SFMBT2: variants seen among roughly 807,000 people sequenced by gnomAD.
The protein encoded by SFMBT2 is scm-like with four MBT domains protein 2.
In SFMBT2, 38 loss-of-function variants were observed where a neutral mutation model predicts 110.1. The observed-to-expected ratio is 0.35, with a 90% CI of 0.27 to 0.45. SFMBT2 has a LOEUF of 0.45. Among genes scored for constraint, SFMBT2 ranks in the 20% least tolerant of loss-of-function variants. The pLI, the probability that SFMBT2 is intolerant of heterozygous loss-of-function variation, is 1.00. For synonymous variants in SFMBT2, 425 were observed against 425.4 expected, an observed-to-expected ratio of 1.00 and a Z score of 0.01; for missense variants, 1,011 against 1,094.9, an observed-to-expected ratio of 0.92 and a Z score of 1.08.
intron 15 of SFMBT2, among the ~76,000 whole-genome samples, chr10:7,193,848 T>A (rs1340184454): frequency 6.6e-6 from 1 of 152,238 alleles, no homozygotes; most frequent in Non-Finnish European, 1.5e-5. Context: ...AAGACCCTTT[T>A]GGTCATAGGA....
At chr10:7,258,114 G>A (rs972003587) in intron 7 of SFMBT2, among the ~76,000 whole-genome samples, 2 of 152,094 alleles carry the variant, frequency 1.3e-5, no homozygotes, top group African/African-American at 4.8e-5. Flanking sequence ...TGTATTTTTT[G>A]TAGAGATGGG....
chr10:7,385,678 C>G (rs1845573513), intron 1 of SFMBT2, among the ~76,000 whole-genome samples: 1 of 152,166 alleles, frequency 6.6e-6, no homozygotes, highest in African/African-American at 2.4e-5. Flanking sequence ...CTCAAACGAG[C>G]TAAGGCAGGG....
At position 7,293,108 on chromosome 10, in the gene SFMBT2, G is replaced by A. The variant is rs1842308578; in HGVS notation, c.437-7154C>T. ...GTCTCACTCTGTCTGGAATGCAGTG[G>A]CGCGATCTCGACTCACTGCAACCTC... On this transcript the variant is annotated intron_variant, in intron 4 of 20. Coordinates refer to ENST00000397167, the MANE Select transcript of SFMBT2 (RefSeq NM_001387889.1). This position sits in a 1 kb window ranked among gnomAD's most constrained non-coding sequence, Gnocchi z 4.6. Among the ~76,000 whole-genome samples, 1 of 152,152 alleles carries A rather than the reference G, an allele frequency of 6.6e-6. No individual in the cohort carries two copies. Among genetic ancestry groups the A allele is most frequent in the African/African-American group, 2.4e-5 (1 of 41,426 alleles).
At chr10:7,192,850 G>A (rs1231250457) in intron 15 of SFMBT2, among the ~76,000 whole-genome samples, 3 of 152,140 alleles carry the variant, frequency 2.0e-5, no homozygotes, top group South Asian at 2.1e-4. Context: ...TGGTTCAGGG[G>A]TGCCGCACTA....
At chr10:7,251,945 G>A (rs1022006681) in intron 7 of SFMBT2, among the ~76,000 whole-genome samples, 3 of 152,178 alleles carry the variant, frequency 2.0e-5, no homozygotes, top group Non-Finnish European at 4.4e-5. Context: ...CATCCTGACA[G>A]CCACGGGGCT....
rs12777944 is a variant in SFMBT2, at chr10:7,384,760, C to T, written c.-51-2811G>A. Among the ~76,000 whole-genome samples the T allele has an allele frequency of 5.6e-3, 852 of 152,250 alleles. 11 individuals carry two copies. Among genetic ancestry groups the T allele is most frequent in the African/African-American group, 0.019 (779 of 41,544 alleles). On this transcript the variant is annotated intron_variant, in intron 1 of 20. Transcript: ENST00000397167. The stretch of plus-strand genomic sequence containing the variant: ...GTATCAGTTTGCTAAAAGAACCCTC[C>T]GAATGATGGACAGAGCTGCATTCTT...
At chr10:7,347,894 C>T (rs1355835920) in intron 4 of SFMBT2, among the ~76,000 whole-genome samples, 1 of 152,190 alleles carries the variant, frequency 6.6e-6, no homozygotes, top group Non-Finnish European at 1.5e-5. Flanking sequence ...TAAATACATA[C>T]ACTTAACTGA....
At chr10:7,259,394 C>A (rs577721857) in intron 7 of SFMBT2, among the ~76,000 whole-genome samples, 11 of 152,360 alleles carry the variant, frequency 7.2e-5, no homozygotes, top group African/African-American at 2.6e-4. Flanking sequence ...CGGCTCCCTC[C>A]ATCAACCACT....
chr10:7,329,982 C>T (rs1340804438), intron 4 of SFMBT2, among the ~76,000 whole-genome samples: 9 of 152,156 alleles, frequency 5.9e-5, no homozygotes, highest in African/African-American at 1.9e-4. Flanking sequence ...ATTTTAATAC[C>T]ATGGTTACAG....
intron 1 of SFMBT2, among the ~76,000 whole-genome samples, chr10:7,396,378 C>G (rs1283626815): frequency 1.3e-5 from 2 of 152,166 alleles, no homozygotes; most frequent in East Asian, 3.9e-4. Flanking sequence ...GTTAGTTGGT[C>G]AAATTACACA....
chr10:7,171,915 T>A lies in SFMBT2; in HGVS notation c.2395A>T (p.Thr799Ser). The change falls in exon 19 of 21, where the codon ACC (threonine) becomes TCC (serine). Residue 799 changes from threonine (T) to serine (S), a missense_variant. Transcript: ENST00000397167. This position sits in a 1 kb window ranked among gnomAD's most constrained non-coding sequence, Gnocchi z 4.9. ...SAEEGEKCPP[T>S]KPEGTEDTKQ... ...ATCACCTCTGTCCCCTCGGGCTTGG[T>A]CGGCGGGCACTTCTCCCCTTCCTCT... The A allele has an allele frequency of 7.0e-7, 1 of 1,437,890 alleles. No homozygotes were observed. Among genetic ancestry groups the A allele is most frequent in the African/African-American group, 1.5e-5 (1 of 68,834 alleles). 89.1% of individuals were successfully genotyped at this position (1,437,890 alleles called of 1,614,324 possible).
At chr10:7,275,594 G>T (rs540816935) in intron 7 of SFMBT2, among the ~76,000 whole-genome samples, 1 of 152,034 alleles carries the variant, frequency 6.6e-6, no homozygotes, top group African/African-American at 2.4e-5. Context: ...CTTCACTGTC[G>T]GTCAATATCA....
intron 16 of SFMBT2, among the ~76,000 whole-genome samples, chr10:7,185,869 C>T (rs970481845): frequency 2.0e-5 from 3 of 152,026 alleles, no homozygotes; most frequent in African/African-American, 7.2e-5. Flanking sequence ...CTAATTCCTC[C>T]TCCTGTAATT....
chr10:7,306,634 C>A (rs1842706046), intron 4 of SFMBT2, among the ~76,000 whole-genome samples: 1 of 150,466 alleles, frequency 6.6e-6, no homozygotes, highest in African/African-American at 2.5e-5. Context: ...TTCATCAAAT[C>A]AAGGATGCTT....
intron 4 of SFMBT2, among the ~76,000 whole-genome samples, chr10:7,353,028 T>C (rs1247731034): frequency 6.6e-6 from 1 of 151,074 alleles, no homozygotes; most frequent in Non-Finnish European, 1.5e-5. Context: ...TAAAAATAAA[T>C]AAATAAATAA....
intron 4 of SFMBT2, among the ~76,000 whole-genome samples, chr10:7,352,540 G>C (rs1036533922): frequency 2.0e-5 from 3 of 152,032 alleles, no homozygotes; most frequent in Non-Finnish European, 2.9e-5. Context: ...GGCTTAGACA[G>C]ACACATTTTT....
intron 16 of SFMBT2, among the ~76,000 whole-genome samples, chr10:7,188,336 T>G (rs909072089): frequency 1.3e-5 from 2 of 152,208 alleles, no homozygotes; most frequent in African/African-American, 4.8e-5. Context: ...TTTGCTCAAA[T>G]AACCTATTGG....
chr10:7,388,417 G>A (rs1027624169), intron 1 of SFMBT2, among the ~76,000 whole-genome samples: 1 of 151,422 alleles, frequency 6.6e-6, no homozygotes, highest in Non-Finnish European at 1.5e-5. Flanking sequence ...GAGTGCAATG[G>A]CCCAATCTTG....
At chr10:7,330,450 A>C (rs1188773545) in intron 4 of SFMBT2, among the ~76,000 whole-genome samples, 1 of 152,182 alleles carries the variant, frequency 6.6e-6, no homozygotes, top group East Asian at 1.9e-4. Flanking sequence ...GAATTGAGTA[A>C]ACCATCTCTG....
Sources: gnomAD v4.1 joint callset for allele counts (sites outside exome capture counted in the v4.1 genomes callset) on GRCh38, gnomAD v4.1.1 for gene constraint, Gnocchi (gnomAD v3.1) non-coding constraint, MANE v1.5 for transcripts, NCBI Gene and HGNC (gene_info 2026-07-23, HGNC 2026-07-21) for gene names.